UGP2: variants seen among roughly 807,000 people sequenced by gnomAD.
UGP2 encodes the protein UDP-glucose pyrophosphorylase 2.
Under a neutral mutation model 49.0 loss-of-function variants are expected in UGP2, and 40 were observed. The ratio of observed to expected loss-of-function variants is 0.82; its 90% CI spans 0.63 to 1.06. The LOEUF (loss-of-function observed/expected upper bound fraction) is 1.06. Ranked by LOEUF, UGP2 falls within the 50% of genes least tolerant of loss-of-function variation. The probability of loss-of-function intolerance (pLI) is 0.00; values close to 1 mark genes in which losing one functional copy is unlikely to be tolerated. For missense variants in UGP2, 460 were observed against 603.5 expected (o/e 0.76, Z 2.49); for synonymous variants, 225 against 213.0 (o/e 1.06, Z -0.49).
At chr2:63,857,807 A>G in intron 2 of UGP2, 22 bp from the exon 3 acceptor site, 1 of 1,600,064 alleles carries the variant, frequency 6.2e-7, no homozygotes, top group East Asian at 2.2e-5. Context: ...GCTGGTTGTA[A>G]CAATGACTTC....
In UGP2 at chr2:63,890,521, G is replaced by T. The variant is rs557722761; in HGVS notation, c.1419+336G>T. ...TCCAGCCTCACGTAAGAAATAGGAG[G>T]GAAACGGGGGTATAAAAGTATTAAA... On this transcript the variant is annotated intron_variant, in intron 9 of 9. Transcript: ENST00000337130. 5.3e-5 allele frequency among the ~76,000 whole-genome samples: 8 copies of T among 152,172 alleles called. No homozygotes were observed. The South Asian group carries it at 1.7e-3, about 32-fold the overall frequency.
At chr2:63,859,780 A>G (rs999287002) in intron 3 of UGP2, among the ~76,000 whole-genome samples, 58 of 152,376 alleles carry the variant, frequency 3.8e-4, no homozygotes, top group African/African-American at 1.3e-3. Flanking sequence ...ATTTTGAAGC[A>G]TAAGTTTTAA....
chr2:63,860,956 C>T (rs1669799460), intron 3 of UGP2, among the ~76,000 whole-genome samples: 1 of 151,758 alleles, frequency 6.6e-6, no homozygotes. Flanking sequence ...TTTACTCGTT[C>T]TTACCTTTTG....
chr2:63,846,849 T>C (rs758836133), intron 1 of UGP2, among the ~76,000 whole-genome samples: 1 of 152,152 alleles, frequency 6.6e-6, no homozygotes, highest in Non-Finnish European at 1.5e-5. Flanking sequence ...GCCATGAAAA[T>C]AATGACTAGG....
intron 9 of UGP2, among the ~76,000 whole-genome samples, chr2:63,890,672 A>G (rs1672064130): frequency 1.3e-5 from 2 of 152,222 alleles, no homozygotes; most frequent in African/African-American, 4.8e-5. Context: ...AAACAAATAC[A>G]TATATTGAAT....
At chr2:63,860,371 A>G (rs1319954733) in intron 3 of UGP2, among the ~76,000 whole-genome samples, 3 of 152,234 alleles carry the variant, frequency 2.0e-5, no homozygotes, top group African/African-American at 4.8e-5. Flanking sequence ...TGTATTGTCT[A>G]TAACTGCTTT....
intron 5 of UGP2, among the ~76,000 whole-genome samples, chr2:63,885,203 C>T (rs114190015): frequency 1.6e-3 from 247 of 151,968 alleles, no homozygotes; most frequent in Non-Finnish European, 3.0e-3. Context: ...TGAATATATC[C>T]ATTTGTAAGA....
At chr2:63,890,292 C>A (rs529034843) in intron 9 of UGP2, 107 bp downstream of exon 9, 151,790 of 724,982 alleles carry the variant, frequency 0.21, 18,738 homozygotes, top group Non-Finnish European at 0.24. Context: ...AGTCTTAGTG[C>A]CACCTTAATT....
At chr2:63,862,703 A>G (rs1669932720) in intron 3 of UGP2, 2 of 412,126 alleles carry the variant, frequency 4.9e-6, no homozygotes, top group African/African-American at 2.1e-5. Flanking sequence ...ATTCATTAGG[A>G]AAATCAGAGT....
intron 1 of UGP2, chr2:63,842,519 T>G: frequency 2.0e-6 from 3 of 1,534,546 alleles, no homozygotes; most frequent in Non-Finnish European, 2.6e-6. Flanking sequence ...CCTTGTTCTC[T>G]TTTCCTGGTC....
rs1416452395 is a variant in UGP2 at position 63,886,482 on chromosome 2, G to A, written c.1015G>A (p.Val339Ile). The stretch of plus-strand genomic sequence containing the variant: ...CAACCTATGGATTTCTCTTGCAGCA[G>A]TTAAAAGACTGCAGGAGCAAAATGC... ...TNNLWISLAA[V>I]KRLQEQNAID... Residue 339 changes from valine to isoleucine, a missense_variant, in exon 7 of 10, where the codon GTT (valine) becomes ATT (isoleucine). Around this residue, in one of 2 missense-constraint regions of UGP2, gnomAD observed 317 missense variants for 473.0 expected, o/e 0.67. Transcript: ENST00000337130. The A allele has an allele frequency of 1.9e-6, 3 of 1,614,174 alleles. No homozygotes were observed. The highest frequency in any genetic ancestry group is 3.3e-5 in the Admixed American group (2 of 60,014).
At chr2:63,846,698 C>T (rs1052073937) in intron 1 of UGP2, among the ~76,000 whole-genome samples, 3 of 152,098 alleles carry the variant, frequency 2.0e-5, no homozygotes, top group Non-Finnish European at 2.9e-5. Flanking sequence ...GAGGGGTCTC[C>T]GAGGAATACA....
At chr2:63,862,901 T>C (rs746607102) in intron 3 of UGP2, 1 of 455,288 alleles carries the variant, frequency 2.2e-6, no homozygotes, top group Non-Finnish European at 4.4e-6. Flanking sequence ...ACTAAGGACT[T>C]TACTGGAACA....
At chr2:63,855,919 T>G in intron 1 of UGP2, 1 of 216,224 alleles carries the variant, frequency 4.6e-6, no homozygotes. Context: ...GATCCATCTG[T>G]CACAGAAGTG....
chr2:63,882,893 C>G, intron 4 of UGP2: 1 of 261,746 alleles, frequency 3.8e-6, no homozygotes, highest in African/African-American at 2.2e-5. Flanking sequence ...TGTTGAGATT[C>G]TCTTTTGATC....
chr2:63,844,185 A>G (rs913215384), intron 1 of UGP2, among the ~76,000 whole-genome samples: 4 of 152,246 alleles, frequency 2.6e-5, no homozygotes, highest in Non-Finnish European at 5.9e-5. Flanking sequence ...TAAATTTTGT[A>G]CAGTGTGAGC....
intron 3 of UGP2, among the ~76,000 whole-genome samples, chr2:63,860,762 A>ATTTTTTTTTTTTTTTTTTT: frequency 8.1e-6 from 1 of 123,702 alleles, no homozygotes; most frequent in Non-Finnish European, 1.7e-5. Context: ...GGCCCAGCTA[A>ATTTTTTTTTTTTTTTTTTT]TTTTTTTTTT....
upstream of UGP2, chr2:63,841,890 T>G (rs1671569092): frequency 5.6e-6 from 2 of 355,008 alleles, no homozygotes; most frequent in Non-Finnish European, 1.0e-5. Flanking sequence ...TGGTTTTACC[T>G]TTTCCGGGAG....
At chr2:63,866,816 C>T (rs1165168271) in intron 3 of UGP2, among the ~76,000 whole-genome samples, 2 of 152,098 alleles carry the variant, frequency 1.3e-5, no homozygotes, top group African/African-American at 2.4e-5. Context: ...ACAGGATGGA[C>T]GATCCTATGC....
Sources: gnomAD v4.1 joint callset for allele counts (sites outside exome capture counted in the v4.1 genomes callset) on GRCh38, gnomAD v4.1.1 for gene constraint, gnomAD v4.1.1 regional missense constraint, MANE v1.5 for transcripts, NCBI Gene and HGNC (gene_info 2026-07-23, HGNC 2026-07-21) for gene names.